The following SUFU variants were observed in gnomAD, a reference collection of about 807,000 sequenced individuals.
SUFU encodes SUFU negative regulator of hedgehog signaling.
Under a neutral mutation model 58.9 loss-of-function variants are expected in SUFU, and 7 were observed. That is an observed-to-expected ratio of 0.12 (90% CI 0.07 to 0.22). SUFU has a LOEUF of 0.22. Ranked by LOEUF, SUFU falls within the 10% of genes least tolerant of loss-of-function variation. The pLI, the probability that SUFU is intolerant of heterozygous loss-of-function variation, is 1.00. For synonymous variants in SUFU, 232 were observed against 254.8 expected (o/e 0.91, Z 0.85); for missense variants, 451 against 641.3 (o/e 0.70, Z 3.20).
rs189789791 is a variant in SUFU at position 102,594,905 on chromosome 10, A to G, written c.756+840A>G. 4.9e-3 allele frequency among the ~76,000 whole-genome samples: 743 copies of G among 152,242 alleles called. 14 individuals are homozygous for G. The highest frequency in any genetic ancestry group is 0.035 in the Admixed American group (534 of 15,294). ...AGATAATTTTTTGTATTTTTAGTAGAGACAGGGTTTCACCATGTTGGCCAG... is the reference window on the plus strand; with the variant it reads ...AGATAATTTTTTGTATTTTTAGTAGGGACAGGGTTTCACCATGTTGGCCAG... On this transcript the variant is annotated intron_variant, in intron 6 of 11. Transcript: ENST00000369902.
chr10:102,590,768 C>G (rs1475963642), intron 3 of SUFU: 1 of 152,152 alleles, frequency 6.6e-6, no homozygotes, highest in African/African-American at 2.4e-5. Context: ...GGGTTAATTA[C>G]TTATTCATTC....
At chr10:102,542,078 T>A (rs566075730) in intron 2 of SUFU, among the ~76,000 whole-genome samples, 1 of 151,260 alleles carries the variant, frequency 6.6e-6, no homozygotes, top group East Asian at 1.9e-4. Flanking sequence ...GAGATGGGGT[T>A]TCTCCATGTT....
intron 2 of SUFU, among the ~76,000 whole-genome samples, chr10:102,524,442 C>A (rs2062587288): frequency 6.6e-6 from 1 of 150,932 alleles, no homozygotes; most frequent in African/African-American, 2.4e-5. Flanking sequence ...TCTCCTGCCT[C>A]ACCCTCCCAA....
chr10:102,535,499 GAGAA>G (rs940071378), intron 2 of SUFU, among the ~76,000 whole-genome samples: 6 of 145,232 alleles, frequency 4.1e-5, no homozygotes, highest in South Asian at 2.2e-4. Context: ...AAAAAAAAAA[GAGAA>G]AGAAAAGAAA....
Position 102,630,613 on chromosome 10 carries a change from C to T in SUFU, c.*458C>T, listed in dbSNP as rs1590095666. 1.6e-5 allele frequency: 5 copies of T among 316,496 alleles called. No homozygotes were observed. Among genetic ancestry groups the T allele is most frequent in the South Asian group, 1.2e-4 (2 of 17,020 alleles). The allele number at this position is 316,496 out of a possible 1,614,324, so 19.6% of individuals were successfully genotyped here. On this transcript the variant is annotated 3_prime_UTR_variant, in exon 12 of 12. Coordinates refer to ENST00000369902, the MANE Select transcript of SUFU (RefSeq NM_016169.4). ...CCTTTGCTACTCAAGCTCCTCTGGC[C>T]GCGGAACAATTCCTCTGATCATGTT...
chr10:102,583,503 C>T (rs2063304251), intron 3 of SUFU, among the ~76,000 whole-genome samples: 1 of 152,186 alleles, frequency 6.6e-6, no homozygotes, highest in East Asian at 1.9e-4. Flanking sequence ...CTAAATTAAG[C>T]CTCTTCCCAA....
chr10:102,611,481 C>G (rs759833537), intron 8 of SUFU, among the ~76,000 whole-genome samples: 7 of 152,216 alleles, frequency 4.6e-5, no homozygotes, highest in Non-Finnish European at 5.9e-5. Flanking sequence ...TCTTTCAAGC[C>G]CCATCTCAGA....
At chr10:102,544,635 G>T (rs1173015389) in intron 2 of SUFU, among the ~76,000 whole-genome samples, 1 of 152,168 alleles carries the variant, frequency 6.6e-6, no homozygotes, top group Admixed American at 6.5e-5. Context: ...GGAGGCAGAG[G>T]TTGCAGTGAG....
intron 3 of SUFU, among the ~76,000 whole-genome samples, chr10:102,587,683 G>A (rs1253087892): frequency 6.6e-6 from 1 of 152,044 alleles, no homozygotes; most frequent in East Asian, 1.9e-4. Flanking sequence ...TAGTGGAGAC[G>A]GGGTTTCACC....
chr10:102,578,670 C>T (rs976294266), intron 3 of SUFU, among the ~76,000 whole-genome samples: 2 of 148,212 alleles, frequency 1.3e-5, no homozygotes, highest in Non-Finnish European at 1.5e-5. Flanking sequence ...ATCATGTCAC[C>T]GCACTCCAGC....
intron 3 of SUFU, among the ~76,000 whole-genome samples, chr10:102,560,263 G>A (rs796250994): frequency 2.6e-5 from 4 of 152,274 alleles, no homozygotes; most frequent in African/African-American, 9.6e-5. Flanking sequence ...CCATGCGTAT[G>A]TCTGGATAGA....
chr10:102,553,551 C>T (rs2062942697), intron 3 of SUFU, among the ~76,000 whole-genome samples: 1 of 151,894 alleles, frequency 6.6e-6, no homozygotes, highest in Non-Finnish European at 1.5e-5. Flanking sequence ...GCAAGCTCCG[C>T]CTCCCAGATT....
At chr10:102,590,468 A>G (rs74557492) in intron 3 of SUFU, among the ~76,000 whole-genome samples, 26,684 of 152,038 alleles carry the variant, frequency 0.18, 2,941 homozygotes, top group Middle Eastern at 0.28. Context: ...CCAGGCCTGT[A>G]TAACCCTTTT....
At position 102,539,877 on chromosome 10, in the gene SUFU, C is replaced by T. The variant is rs958005987; in HGVS notation, c.318-10093C>T. On this transcript the variant is annotated intron_variant, in intron 2 of 11. Transcript: ENST00000369902. ...TAGCTCATGCGATTACAGATGCTGG[C>T]AAGTCCAAAATCTTTAGAGCCAGTG... Among the ~76,000 whole-genome samples the T allele has an allele frequency of 2.0e-5, 3 of 152,188 alleles. No individual in the cohort carries two copies. The East Asian group carries it at 5.8e-4, about 29-fold the overall frequency.
intron 8 of SUFU, among the ~76,000 whole-genome samples, chr10:102,614,704 C>G (rs960287475): frequency 5.9e-5 from 9 of 151,390 alleles, no homozygotes; most frequent in Non-Finnish European, 8.8e-5. Context: ...GGTGAAACCC[C>G]GTCTCTACTA....
At chr10:102,623,309 C>T (rs2063758028) in intron 10 of SUFU, among the ~76,000 whole-genome samples, 2 of 152,184 alleles carry the variant, frequency 1.3e-5, no homozygotes, top group Non-Finnish European at 2.9e-5. Context: ...ACTAGGCTGG[C>T]CTGGGAATTT....
At chr10:102,520,373 A>C (rs1021153462) in intron 2 of SUFU, among the ~76,000 whole-genome samples, 2 of 151,042 alleles carry the variant, frequency 1.3e-5, no homozygotes, top group East Asian at 3.9e-4. Flanking sequence ...ACCCGCCACC[A>C]CGCCCGGCTA....
At chr10:102,572,958 T>G (rs531091041) in intron 3 of SUFU, 350 of 1,282,584 alleles carry the variant, frequency 2.7e-4, no homozygotes, top group Non-Finnish European at 3.7e-4. Flanking sequence ...TGTTGTCTTC[T>G]ATCTTCTTCA....
At chr10:102,577,711 C>T (rs561505301) in intron 3 of SUFU, among the ~76,000 whole-genome samples, 37 of 142,532 alleles carry the variant, frequency 2.6e-4, no homozygotes, top group Admixed American at 4.2e-4. Flanking sequence ...GACGTAGTCT[C>T]GCTCTGTTGC....
Sources: gnomAD v4.1 joint callset for allele counts (sites outside exome capture counted in the v4.1 genomes callset) on GRCh38, gnomAD v4.1.1 for gene constraint, MANE v1.5 for transcripts, NCBI Gene and HGNC (gene_info 2026-07-23, HGNC 2026-07-21) for gene names.